The following SMO variants were observed in gnomAD, a reference collection of about 807,000 sequenced individuals.
SMO encodes the protein smoothened, frizzled class receptor.
A neutral mutation model predicts 81.6 loss-of-function variants in SMO; 40 were observed. That is an observed-to-expected ratio of 0.49 (90% CI 0.38 to 0.64). SMO has a LOEUF of 0.64. SMO is among the 30% of genes least tolerant of loss of function. The pLI, the probability that SMO is intolerant of heterozygous loss-of-function variation, is 0.00. For synonymous variants in SMO, 434 were observed against 432.1 expected, an observed-to-expected ratio of 1.00 and a Z score of -0.05; for missense variants, 916 against 1,061.1, an observed-to-expected ratio of 0.86 and a Z score of 1.90.
Position 129,206,613 on chromosome 7 carries a change from G to T in SMO, c.1264+26G>T. On this transcript the variant is annotated intron_variant, in intron 6 of 11. Transcript: ENST00000249373. This position sits in a 1 kb window ranked among gnomAD's most constrained non-coding sequence, Gnocchi z 4.4. ...GTGAGTGAAGACCAGGCCAGGACCA[G>T]TTGGGCAACAAAATATACTGGGCAC... is the stretch of plus-strand genomic sequence containing the variant. The T allele has an allele frequency of 6.2e-7, 1 of 1,612,292 alleles. No homozygotes were observed. The highest frequency in any genetic ancestry group is 8.5e-7 in the Non-Finnish European group (1 of 1,178,920).
At position 129,212,332 on chromosome 7, in the gene SMO, C is replaced by A. The variant is rs2150657111; in HGVS notation, c.2245C>A (p.Leu749Met). The A allele has an allele frequency of 6.2e-7, 1 of 1,614,198 alleles. No individual in the cohort carries two copies. The change falls in exon 12 of 12, where the codon CTG becomes ATG. Residue 749 changes from leucine to methionine, a missense_variant. Physicochemically the swap from Leu to Met is conservative, Grantham distance 15. Transcript: ENST00000249373. This position sits in a 1 kb window ranked among gnomAD's most constrained non-coding sequence, Gnocchi z 5.0. ...PEPSPPQDPF[L>M]PSAPAPVAWA... ...GCCCAGTCCCCCTCAGGATCCATTT[C>A]TGCCCAGTGCACCGGCCCCCGTGGC... is the stretch of plus-strand genomic sequence containing the variant.
chr7:129,210,085 G>A lies in SMO; in HGVS notation c.1467-278G>A. 2 of 309,074 alleles carry A rather than the reference G, an allele frequency of 6.5e-6. No homozygotes were observed. The highest frequency in any genetic ancestry group is 6.2e-6 in the Non-Finnish European group (1 of 162,494). 19.1% of individuals were successfully genotyped at this position (309,074 alleles called of 1,614,324 possible). On this transcript the variant is annotated intron_variant, in intron 8 of 11. Transcript: ENST00000249373. This position sits in a 1 kb window ranked among gnomAD's most constrained non-coding sequence, Gnocchi z 4.7. ...AAAGCTCCCCAGTTGATTCTAATGAGCACCCAGGGTTGAGATCAGTGCTGT... is the reference window on the plus strand; with the variant it reads ...AAAGCTCCCCAGTTGATTCTAATGAACACCCAGGGTTGAGATCAGTGCTGT...
At chr7:129,203,271 G>A in intron 1 of SMO, 113 bp from the exon 2 acceptor site, 1 of 765,372 alleles carries the variant, frequency 1.3e-6, no homozygotes, top group Non-Finnish European at 2.2e-6. Context: ...TACCTGCCAG[G>A]TCTGACCAGT....
chr7:129,189,135 A>C lies in SMO; in HGVS notation c.-17A>C. On this transcript the variant is annotated 5_prime_UTR_variant, in exon 1 of 12. Coordinates refer to ENST00000249373, the MANE Select transcript of SMO (RefSeq NM_005631.5). This position sits in a 1 kb window ranked among gnomAD's most constrained non-coding sequence, Gnocchi z 4.7. ...GGCGGGGGCGCCGGGGCTTTTGCTG[A>C]GTTGGCGGGGTTGGCCATGGCCGCT... 1 of 1,198,458 alleles carries C rather than the reference A, an allele frequency of 8.3e-7. No homozygotes were observed. The highest frequency in any genetic ancestry group is 1.0e-6 in the Non-Finnish European group (1 of 963,584). 74.2% of individuals were successfully genotyped at this position (1,198,458 alleles called of 1,614,324 possible).
Position 129,206,310 on chromosome 7 carries a change from C to T in SMO, c.1081C>T (p.His361Tyr), listed in dbSNP as rs756239310. The T allele has an allele frequency of 6.2e-6, 10 of 1,614,216 alleles. No individual in the cohort carries two copies. Among genetic ancestry groups the T allele is most frequent in the East Asian group, 2.2e-5 (1 of 44,882 alleles). The stretch of plus-strand genomic sequence containing the variant: ...TCTCTCGGGCAAGACCTCCTACTTC[C>T]ACCTGCTCACCTGGTCACTCCCCTT... ...QPLSGKTSYF[H>Y]LLTWSLPFVL... Residue 361 changes from histidine (H) to tyrosine (Y), a missense_variant, in exon 5 of 12, where the codon CAC becomes TAC. By Grantham distance (83) the His-to-Tyr change is moderately conservative. Around this residue, in one of 4 missense-constraint regions of SMO, gnomAD observed 436 missense variants for 570.9 expected, o/e 0.76. Coordinates refer to ENST00000249373, the MANE Select transcript of SMO (RefSeq NM_005631.5). The surrounding 1 kb of genome is among the most constrained non-coding windows in gnomAD (Gnocchi z 4.4).
rs987383317 is a variant in SMO at position 129,211,242 on chromosome 7, T to C, written c.1801+129T>C. 7.1e-6 allele frequency: 7 copies of C among 984,280 alleles called. No homozygotes were observed. The African/African-American group carries it at 1.1e-4, about 16-fold the overall frequency. The allele number at this position is 984,280 out of a possible 1,614,324, so 61.0% of individuals were successfully genotyped here. A position where few individuals can be genotyped will look rare whatever the true frequency, so the allele number is the denominator to read the frequency against. ...TGTGAGGAGCAAGGCGCTCCCTCCA[T>C]CGCTCACACACCCATTCTTCCCCCG... On this transcript the variant is annotated intron_variant, in intron 10 of 11. Transcript: ENST00000249373. The surrounding 1 kb of genome is among the most constrained non-coding windows in gnomAD (Gnocchi z 4.6).
rs1201079205 is a variant in SMO at position 129,211,639 on chromosome 7, G to C, written c.1805G>C (p.Gly602Ala). Residue 602 changes from glycine to alanine, a missense_variant, in exon 11 of 12, where the codon GGC becomes GCC. By Grantham distance (60) the Gly-to-Ala change is moderately conservative. This residue lies in a region of SMO where 324 missense variants were observed against 312.9 expected (regional missense o/e 1.04). Coordinates refer to ENST00000249373, the MANE Select transcript of SMO (RefSeq NM_005631.5). The surrounding 1 kb of genome is among the most constrained non-coding windows in gnomAD (Gnocchi z 4.6). ...HTVSHDGPVA[G>A]LAFDLNEPSA... ...TTCCTTCCTTCCATTCCCACAGCGG[G>C]CTTGGCCTTTGACCTCAATGAGCCC... 6.2e-7 allele frequency: 1 copy of C among 1,612,796 alleles called. No homozygotes were observed. Among genetic ancestry groups the C allele is most frequent in the Non-Finnish European group, 8.5e-7 (1 of 1,179,938 alleles).
At position 129,210,780 on chromosome 7, in the gene SMO, C is replaced by T. The variant is rs1300680620; in HGVS notation, c.1653-185C>T. Among the ~76,000 whole-genome samples the T allele has an allele frequency of 1.3e-5, 2 of 152,250 alleles. No individual in the cohort carries two copies. Among genetic ancestry groups the T allele is most frequent in the Non-Finnish European group, 2.9e-5 (2 of 68,042 alleles). ...AGAGCGGAGTGATTGGAGGGCTGGG[C>T]ACACAGGAGCTCTGCATTCTGGCCC... is the stretch of plus-strand genomic sequence containing the variant. On this transcript the variant is annotated intron_variant, in intron 9 of 11. Transcript: ENST00000249373. This position sits in a 1 kb window ranked among gnomAD's most constrained non-coding sequence, Gnocchi z 4.7.
rs757650883 is a variant in SMO, at chr7:129,189,451, G to A, written c.300G>A (p.Glu100=). 1 of 1,538,454 alleles carries A rather than the reference G, an allele frequency of 6.5e-7. No individual in the cohort carries two copies. Among genetic ancestry groups the A allele is most frequent in the Non-Finnish European group, 8.7e-7 (1 of 1,146,808 alleles). The change falls in exon 1 of 12, where the codon GAG becomes GAA. Residue 100 remains glutamate (E), a synonymous_variant. Transcript: ENST00000249373. The surrounding 1 kb of genome is among the most constrained non-coding windows in gnomAD (Gnocchi z 4.7). ...TLLAGDSDSQ[E]EAHGKLVLWS... ...TGGCCGGAGACTCGGACTCCCAGGA[G>A]GAAGCGCACGGCAAGCTCGTGCTCT...
At chr7:129,191,914 A>G (rs920797340) in intron 1 of SMO, among the ~76,000 whole-genome samples, 2 of 152,220 alleles carry the variant, frequency 1.3e-5, no homozygotes, top group African/African-American at 4.8e-5. Flanking sequence ...GAATACAGAT[A>G]TGATCCTCTG....
rs2150657049 is a variant in SMO, at chr7:129,212,306, A to G, written c.2219A>G (p.Glu740Gly). ...CTGGTCTCCAACCCATTCTGCCCAG[A>G]GCCCAGTCCCCCTCAGGATCCATTT... is the stretch of plus-strand genomic sequence containing the variant. ...WTLVSNPFCP[E>G]PSPPQDPFLP... The change falls in exon 12 of 12, where the codon GAG becomes GGG. Residue 740 changes from glutamate (E) to glycine (G), a missense_variant. Around this residue, in one of 4 missense-constraint regions of SMO, gnomAD observed 324 missense variants for 312.9 expected, o/e 1.04. Transcript: ENST00000249373. The surrounding 1 kb of genome is among the most constrained non-coding windows in gnomAD (Gnocchi z 5.0). 1 of 1,614,130 alleles carries G rather than the reference A, an allele frequency of 6.2e-7. No individual in the cohort carries two copies. The highest frequency in any genetic ancestry group is 8.5e-7 in the Non-Finnish European group (1 of 1,179,998).
At chr7:129,205,034 G>C (rs1023169202) in intron 2 of SMO, among the ~76,000 whole-genome samples, 169 bp from the exon 3 acceptor site, 5 of 129,404 alleles carry the variant, frequency 3.9e-5, no homozygotes, top group African/African-American at 1.4e-4. Flanking sequence ...GAAAGAAGTG[G>C]GGAAACTGAG....
At position 129,212,291 on chromosome 7, in the gene SMO, A is replaced by G. The variant is rs372475450; in HGVS notation, c.2204A>G (p.Asn735Ser). The G allele has an allele frequency of 5.6e-6, 9 of 1,613,688 alleles. No individual in the cohort carries two copies. The African/African-American group carries it at 9.3e-5, about 17-fold the overall frequency. The change falls in exon 12 of 12, where the codon AAC becomes AGC. Residue 735 changes from asparagine to serine, a missense_variant. Physicochemically the swap from Asn to Ser is conservative, Grantham distance 46. Transcript: ENST00000249373. The surrounding 1 kb of genome is among the most constrained non-coding windows in gnomAD (Gnocchi z 5.0). ...CRQGAWTLVS[N>S]PFCPEPSPPQ... is the part of the protein sequence containing the mutation. Reference sequence around the variant, plus strand: ...CAGGGAGCGTGGACCCTGGTCTCCAACCCATTCTGCCCAGAGCCCAGTCCC... The same window carrying G: ...CAGGGAGCGTGGACCCTGGTCTCCAGCCCATTCTGCCCAGAGCCCAGTCCC...
rs548376047 is a variant in SMO, at chr7:129,211,256, A to G, written c.1801+143A>G. On this transcript the variant is annotated intron_variant, in intron 10 of 11. Coordinates refer to ENST00000249373, the MANE Select transcript of SMO (RefSeq NM_005631.5). This position sits in a 1 kb window ranked among gnomAD's most constrained non-coding sequence, Gnocchi z 4.6. ...CGCTCCCTCCATCGCTCACACACCC[A>G]TTCTTCCCCCGGCCCCTCCTACCCT... is the stretch of plus-strand genomic sequence containing the variant. 5.1e-5 allele frequency: 47 copies of G among 914,354 alleles called. No individual in the cohort carries two copies. In the African/African-American group the frequency reaches 7.0e-4, roughly 14 times the overall value. The allele number at this position is 914,354 out of a possible 1,614,324, so 56.6% of individuals were successfully genotyped here.
rs34545616 is a variant in SMO, at chr7:129,212,026, C to A, written c.1939C>A (p.Pro647Thr). 18 of 1,581,914 alleles carry A rather than the reference C, an allele frequency of 1.1e-5. No homozygotes were observed. The highest frequency in any genetic ancestry group is 1.5e-5 in the Non-Finnish European group (17 of 1,170,682). Residue 647 changes from proline (P) to threonine (T), a missense_variant and splice_region_variant, in exon 12 of 12, where the codon CCC (proline) becomes ACC (threonine). This residue lies in a region of SMO where 324 missense variants were observed against 312.9 expected (regional missense o/e 1.04). Coordinates refer to ENST00000249373, the MANE Select transcript of SMO (RefSeq NM_005631.5). This position sits in a 1 kb window ranked among gnomAD's most constrained non-coding sequence, Gnocchi z 5.0. ...CGTGTTGTCTCTCCTCCTGTCAGTG[C>A]CCCCAGAGGAACAAGCCAACCTGTG... Reference protein sequence around the residue: ...ISVTPVATPVPPEEQANLWLV... With the variant: ...ISVTPVATPVTPEEQANLWLV...
In SMO at chr7:129,210,979, G is replaced by A. The variant is rs780718707; in HGVS notation, c.1667G>A (p.Ser556Asn). ...TCTGCTCTCAGGTTGACTGGGCAGA[G>A]TGACGATGAGCCAAAGCGGATCAAG... ...RRTWCRLTGQ[S>N]DDEPKRIKKS... is the part of the protein sequence containing the mutation. Residue 556 changes from serine (S) to asparagine (N), a missense_variant, in exon 10 of 12, where the codon AGT becomes AAT. By Grantham distance (46) the Ser-to-Asn change is conservative (BLOSUM62 1). This residue lies in a region of SMO where 324 missense variants were observed against 312.9 expected (regional missense o/e 1.04). Coordinates refer to ENST00000249373, the MANE Select transcript of SMO (RefSeq NM_005631.5). This position sits in a 1 kb window ranked among gnomAD's most constrained non-coding sequence, Gnocchi z 4.7. 5 of 1,610,710 alleles carry A rather than the reference G, an allele frequency of 3.1e-6. No individual in the cohort carries two copies. Among genetic ancestry groups the A allele is most frequent in the Non-Finnish European group, 4.2e-6 (5 of 1,178,296 alleles).
Position 129,212,467 on chromosome 7 carries a change from C to G in SMO, c.*16C>G, listed in dbSNP as rs1793893235. On this transcript the variant is annotated 3_prime_UTR_variant, in exon 12 of 12. Transcript: ENST00000249373. The surrounding 1 kb of genome is among the most constrained non-coding windows in gnomAD (Gnocchi z 5.0). ...GGACTTCTGAGCCTGCAGAGCAGGA[C>G]CTGGGACAGGAAAGAGAGGAACCAA... 1 of 1,602,928 alleles carries G rather than the reference C, an allele frequency of 6.2e-7. No individual in the cohort carries two copies.
chr7:129,212,052 G>C lies in SMO; in HGVS notation c.1965G>C (p.Trp655Cys), dbSNP rs1199268301. 6.3e-7 allele frequency: 1 copy of C among 1,588,384 alleles called. No homozygotes were observed. The highest frequency in any genetic ancestry group is 2.3e-5 in the East Asian group (1 of 44,166). The part of the protein sequence containing the change: ...PVPPEEQANL[W>C]LVEAEISPEL... ...CCCCAGAGGAACAAGCCAACCTGTG[G>C]CTGGTTGAGGCAGAGATCTCCCCAG... is the stretch of plus-strand genomic sequence containing the variant. Residue 655 changes from tryptophan to cysteine, a missense_variant, in exon 12 of 12, where the codon TGG becomes TGC. Physicochemically the swap from Trp to Cys is radical, Grantham distance 215. Around this residue, in one of 4 missense-constraint regions of SMO, gnomAD observed 324 missense variants for 312.9 expected, o/e 1.04. Coordinates refer to ENST00000249373, the MANE Select transcript of SMO (RefSeq NM_005631.5). The surrounding 1 kb of genome is among the most constrained non-coding windows in gnomAD (Gnocchi z 5.0).
intron 8 of SMO, 36 bp downstream of exon 8, chr7:129,209,433 C>A: frequency 2.8e-6 from 4 of 1,454,112 alleles, no homozygotes; most frequent in South Asian, 2.3e-5. Context: ...GTGCTGGGAG[C>A]TGGAGCCAAG....
Sources: allele counts gnomAD v4.1 joint callset (sites outside exome capture counted in the v4.1 genomes callset), GRCh38; gene constraint gnomAD v4.1.1; regional missense constraint gnomAD v4.1.1; non-coding constraint Gnocchi (gnomAD v3.1); transcripts MANE v1.5; gene names NCBI Gene and HGNC (gene_info 2026-07-23, HGNC 2026-07-21).